The following TBC1D15 variants were observed in gnomAD, a reference collection of about 807,000 sequenced individuals.
TBC1D15 encodes GAP for RAB7.
Under a neutral mutation model 95.4 loss-of-function variants are expected in TBC1D15, and 39 were observed. The observed-to-expected ratio is 0.41, with a 90% CI of 0.32 to 0.53. The LOEUF is 0.53. Among genes scored for constraint, TBC1D15 ranks in the 20% least tolerant of loss-of-function variants. The pLI, the probability that TBC1D15 is intolerant of heterozygous loss-of-function variation, is 0.29. For missense variants in TBC1D15, 733 were observed against 794.3 expected, an observed-to-expected ratio of 0.92 and a Z score of 0.93; for synonymous variants, 258 against 261.3, an observed-to-expected ratio of 0.99 and a Z score of 0.12.
chr12:71,853,919 G>A (rs1215166410), intron 1 of TBC1D15, among the ~76,000 whole-genome samples: 2 of 152,112 alleles, frequency 1.3e-5, no homozygotes, highest in African/African-American at 2.4e-5. Flanking sequence ...TTTCCCTCTC[G>A]CCTTGAAGAG....
chr12:71,867,749 A>G (rs1412634374), intron 1 of TBC1D15, among the ~76,000 whole-genome samples: 1 of 152,206 alleles, frequency 6.6e-6, no homozygotes, highest in African/African-American at 2.4e-5. Flanking sequence ...TTGGCCTTCC[A>G]AAGTGCTGGG....
At chr12:71,888,298 A>G (rs1461897427) in intron 5 of TBC1D15, among the ~76,000 whole-genome samples, 1 of 152,116 alleles carries the variant, frequency 6.6e-6, no homozygotes, top group African/African-American at 2.4e-5. Context: ...AGCCTCGCCA[A>G]CATGGTGAAA....
rs1033158938 is a variant in TBC1D15 at position 71,872,327 on chromosome 12, C to T, written c.129+159C>T. Among the ~76,000 whole-genome samples the T allele has an allele frequency of 6.6e-5, 10 of 152,084 alleles. No individual in the cohort carries two copies. In the East Asian group the frequency reaches 9.6e-4, roughly 15 times the overall value. ...CGAAATGATGTAATAGTCAAACACA[C>T]GCTCCTTGACTTATGATGGGGTTAT... is the stretch of plus-strand genomic sequence containing the variant. On this transcript the variant is annotated intron_variant, in intron 2 of 16. Coordinates refer to ENST00000485960, the MANE Select transcript of TBC1D15 (RefSeq NM_001146213.3).
chr12:71,921,520 TTTC>T (rs1869335072), intron 16 of TBC1D15, 66 bp downstream of exon 16: 3 of 1,000,180 alleles, frequency 3.0e-6, no homozygotes, highest in Non-Finnish European at 1.4e-6. Flanking sequence ...AAGAAAGATT[TTTC>T]TTCTTGGAAA....
chr12:71,864,859 G>A (rs942009332), intron 1 of TBC1D15, among the ~76,000 whole-genome samples: 11 of 152,274 alleles, frequency 7.2e-5, no homozygotes, highest in East Asian at 1.9e-4. Context: ...GATTGTTTCC[G>A]AATAGGTGCA....
chr12:71,889,696 T>C (rs982689578), intron 5 of TBC1D15, among the ~76,000 whole-genome samples: 11 of 152,218 alleles, frequency 7.2e-5, no homozygotes, highest in Admixed American at 1.3e-4. Flanking sequence ...GTAGGTAAAC[T>C]GCATGTCACG....
rs1006566939 is a variant in TBC1D15, at chr12:71,923,626, T to TA, written c.*428dup. 2 of 157,562 alleles carry TA rather than the reference T, an allele frequency of 1.3e-5. No homozygotes were observed. The highest frequency in any genetic ancestry group is 4.8e-5 in the African/African-American group (2 of 41,488). 9.8% of individuals were successfully genotyped at this position (157,562 alleles called of 1,614,324 possible). A position where few individuals can be genotyped will look rare whatever the true frequency, so the allele number is the denominator to read the frequency against. On this transcript the variant is annotated 3_prime_UTR_variant, in exon 17 of 17. Transcript: ENST00000485960. ...AGTAGATTGTTACCCAGTAATGAAA[T>TA]AAAAAATAAAAATAAAAGGATTTTT...
chr12:71,879,626 T>C (rs1362294450), intron 3 of TBC1D15, among the ~76,000 whole-genome samples: 4 of 152,244 alleles, frequency 2.6e-5, no homozygotes, highest in Admixed American at 1.3e-4. Flanking sequence ...TCTTTTTTAA[T>C]TGAATGGGGC....
intron 5 of TBC1D15, among the ~76,000 whole-genome samples, chr12:71,885,725 G>A (rs1270296736): frequency 2.6e-5 from 4 of 152,050 alleles, no homozygotes; most frequent in African/African-American, 7.2e-5. Flanking sequence ...AGGAATGAGG[G>A]GCACTTAATT....
chr12:71,880,971 A>T (rs994447202), intron 4 of TBC1D15, among the ~76,000 whole-genome samples: 2 of 152,324 alleles, frequency 1.3e-5, no homozygotes, highest in East Asian at 3.9e-4. Context: ...ACTAAATCAT[A>T]CCATTCTAAT....
intron 4 of TBC1D15, among the ~76,000 whole-genome samples, chr12:71,881,861 T>C (rs1895223527): frequency 7.3e-6 from 1 of 137,618 alleles, no homozygotes; most frequent in South Asian, 2.2e-4. Context: ...GAGGTTGCAG[T>C]GAGCCGAGAT....
intron 12 of TBC1D15, 111 bp from the exon 13 acceptor site, chr12:71,917,587 G>A (rs958906733): frequency 1.5e-5 from 9 of 599,924 alleles, no homozygotes; most frequent in Middle Eastern, 4.8e-4. Context: ...AAGATTACCA[G>A]TGTGGTATAA....
At chr12:71,879,133 CTCTTT>C (rs1313928299) in intron 3 of TBC1D15, among the ~76,000 whole-genome samples, 1 of 148,530 alleles carries the variant, frequency 6.7e-6, no homozygotes. Flanking sequence ...CTCTCTCTCT[CTCTTT>C]TTTTTTTTTT....
intron 4 of TBC1D15, among the ~76,000 whole-genome samples, chr12:71,883,220 T>C (rs1314790009): frequency 6.6e-6 from 1 of 152,096 alleles, no homozygotes; most frequent in African/African-American, 2.4e-5. Context: ...GTAGTCTAAG[T>C]ACATTCATAC....
intron 10 of TBC1D15, among the ~76,000 whole-genome samples, chr12:71,898,312 T>C (rs566580400): frequency 1.3e-5 from 2 of 152,170 alleles, no homozygotes; most frequent in South Asian, 4.1e-4. Flanking sequence ...AAGAGGTAAA[T>C]AGAAATTATT....
In TBC1D15 at chr12:71,895,971, G is replaced by A. The variant is rs1263384696; in HGVS notation, c.880G>A (p.Val294Ile). The A allele has an allele frequency of 6.2e-7, 1 of 1,612,520 alleles. No individual in the cohort carries two copies. Among genetic ancestry groups the A allele is most frequent in the Non-Finnish European group, 8.5e-7 (1 of 1,178,978 alleles). ...GATTGATTTGGGGGAACGCCCTGTT[G>A]TTCAAAGGAGAGAACCGGTATCACT... Reference protein sequence around the residue: ...TRIDLGERPVVQRREPVSLEE... With the variant: ...TRIDLGERPVIQRREPVSLEE... Residue 294 changes from valine to isoleucine, a missense_variant, in exon 8 of 17, where the codon GTT becomes ATT. By Grantham distance (29) the Val-to-Ile change is conservative. Coordinates refer to ENST00000485960, the MANE Select transcript of TBC1D15 (RefSeq NM_001146213.3).
At chr12:71,905,809 C>CT (rs1440451251) in intron 10 of TBC1D15, among the ~76,000 whole-genome samples, 4 of 152,070 alleles carry the variant, frequency 2.6e-5, no homozygotes, top group African/African-American at 4.8e-5. Context: ...CTTACAGAAT[C>CT]TAATTAAGCT....
intron 1 of TBC1D15, among the ~76,000 whole-genome samples, chr12:71,841,763 C>T (rs930802657): frequency 1.3e-5 from 2 of 152,150 alleles, no homozygotes; most frequent in African/African-American, 4.8e-5. Context: ...TCTACACCAC[C>T]ACTGGAGTTA....
chr12:71,853,976 G>A (rs1339362988), intron 1 of TBC1D15, among the ~76,000 whole-genome samples: 3 of 152,170 alleles, frequency 2.0e-5, no homozygotes, highest in African/African-American at 4.8e-5. Context: ...AATACTCGAG[G>A]AAGACTGCAG....
Sources: allele counts gnomAD v4.1 joint callset (sites outside exome capture counted in the v4.1 genomes callset), GRCh38; gene constraint gnomAD v4.1.1; transcripts MANE v1.5; gene names NCBI Gene and HGNC (gene_info 2026-07-23, HGNC 2026-07-21).